Variants in TENT4B observed in about 807,000 individuals in gnomAD.
TENT4B encodes terminal nucleotidyltransferase 4B.
Under a neutral mutation model 75.0 loss-of-function variants are expected in TENT4B, and 10 were observed. That is an observed-to-expected ratio of 0.13 (90% CI 0.08 to 0.23). TENT4B has a LOEUF of 0.23. TENT4B is among the 10% of genes least tolerant of loss of function. TENT4B has a pLI of 1.00. For missense variants in TENT4B, 579 were observed against 893.8 expected (o/e 0.65, Z 4.49); for synonymous variants, 350 against 357.7 (o/e 0.98, Z 0.24).
rs1041590355 is a variant in TENT4B, at chr16:50,187,752, C to T, written c.639-23571C>T. 5.9e-5 allele frequency among the ~76,000 whole-genome samples: 9 copies of T among 151,814 alleles called. No homozygotes were observed. The East Asian group carries it at 9.7e-4, about 16-fold the overall frequency. On this transcript the variant is annotated intron_variant, in intron 1 of 11. Coordinates refer to ENST00000561678, the MANE Select transcript of TENT4B (RefSeq NM_001365324.3). ...TTAGGAATGCACATAAGGCCTGGCA[C>T]GGTGGCTCATGCTTGTAATTGCAGC...
intron 1 of TENT4B, among the ~76,000 whole-genome samples, chr16:50,191,012 A>G (rs943578750): frequency 6.6e-6 from 1 of 152,036 alleles, no homozygotes; most frequent in Non-Finnish European, 1.5e-5. Flanking sequence ...AATGTCCTCA[A>G]GGTTCATCCA....
intron 2 of TENT4B, among the ~76,000 whole-genome samples, chr16:50,212,890 G>A (rs1287673788): frequency 2.6e-5 from 4 of 152,060 alleles, no homozygotes; most frequent in East Asian, 1.9e-4. Context: ...TTGAGAAGCC[G>A]TGATCTAACT....
intron 1 of TENT4B, among the ~76,000 whole-genome samples, chr16:50,155,272 G>GGGGGGTGTGTGTGTGT (rs377547594): frequency 7.4e-6 from 1 of 135,482 alleles, no homozygotes; most frequent in African/African-American, 2.8e-5. Flanking sequence ...GGGTCTCGTG[G>GGGGGGTGTGTGTGTGT]GTGTGTGTGT....
upstream of TENT4B, among the ~76,000 whole-genome samples, chr16:50,153,198 GAGCGA>G (rs1567468215): frequency 1.5e-3 from 149 of 97,162 alleles, no homozygotes; most frequent in Admixed American, 2.3e-3. Flanking sequence ...GGGGGGGGCG[GAGCGA>G]GAGGGGCGGA....
Position 50,229,449 on chromosome 16 carries a change from C to T in TENT4B, c.*121C>T, listed in dbSNP as rs1479738652. 7 of 1,319,844 alleles carry T rather than the reference C, an allele frequency of 5.3e-6. No individual in the cohort carries two copies. The highest frequency in any genetic ancestry group is 2.6e-5 in the South Asian group (1 of 39,078). The allele number at this position is 1,319,844 out of a possible 1,614,324, so 81.8% of individuals were successfully genotyped here. Reference sequence around the variant, plus strand: ...TGTTCAGACGTTGACTTAGCAACTGCGTTTTTTCCCAGCTCGCCACAGAAT... The same window carrying T: ...TGTTCAGACGTTGACTTAGCAACTGTGTTTTTTCCCAGCTCGCCACAGAAT... On this transcript the variant is annotated 3_prime_UTR_variant, in exon 12 of 12. Coordinates refer to ENST00000561678, the MANE Select transcript of TENT4B (RefSeq NM_001365324.3).
chr16:50,196,023 A>G (rs2030214834), intron 1 of TENT4B, among the ~76,000 whole-genome samples: 2 of 152,332 alleles, frequency 1.3e-5, no homozygotes, highest in South Asian at 4.1e-4. Flanking sequence ...GTCAATGTAG[A>G]ACTTTACAGT....
At chr16:50,183,810 C>T (rs1044732844) in intron 1 of TENT4B, among the ~76,000 whole-genome samples, 5 of 151,618 alleles carry the variant, frequency 3.3e-5, no homozygotes, top group African/African-American at 4.8e-5. Context: ...TTTGGGAGGC[C>T]GAGGTGGGCA....
chr16:50,202,903 C>A (rs2030736491), intron 1 of TENT4B, among the ~76,000 whole-genome samples: 1 of 152,308 alleles, frequency 6.6e-6, no homozygotes, highest in Admixed American at 6.5e-5. Context: ...AACCATCCTT[C>A]TGAAACATTG....
intron 1 of TENT4B, among the ~76,000 whole-genome samples, chr16:50,205,735 C>T (rs1286792753): frequency 3.3e-5 from 5 of 151,234 alleles, no homozygotes; most frequent in African/African-American, 1.2e-4. Flanking sequence ...GAATTACAGG[C>T]GCCTGCCACC....
intron 8 of TENT4B, 53 bp from the exon 9 acceptor site, chr16:50,224,838 T>A: frequency 6.2e-7 from 1 of 1,612,260 alleles, no homozygotes; most frequent in South Asian, 1.1e-5. Flanking sequence ...TGGCTTCTTA[T>A]CTTCAAATTA....
Position 50,222,453 on chromosome 16 carries a change from G to A in TENT4B, c.1167+19G>A, listed in dbSNP as rs1376316821. 5.6e-6 allele frequency: 9 copies of A among 1,606,852 alleles called. No homozygotes were observed. Among genetic ancestry groups the A allele is most frequent in the Middle Eastern group, 1.7e-4 (1 of 6,054 alleles). The stretch of plus-strand genomic sequence containing the variant: ...CCTTCAGGTAAGTCATATGGGTATA[G>A]CATGCTAGTGCACACTAAAAGCAAA... On this transcript the variant is annotated intron_variant, in intron 6 of 11. Coordinates refer to ENST00000561678, the MANE Select transcript of TENT4B (RefSeq NM_001365324.3).
At chr16:50,189,278 T>C (rs969551744) in intron 1 of TENT4B, among the ~76,000 whole-genome samples, 6 of 152,250 alleles carry the variant, frequency 3.9e-5, no homozygotes, top group African/African-American at 9.6e-5. Context: ...GAGTACCTTG[T>C]CTTCTCACTG....
At chr16:50,198,376 G>A (rs1156701128) in intron 1 of TENT4B, among the ~76,000 whole-genome samples, 3 of 147,404 alleles carry the variant, frequency 2.0e-5, no homozygotes, top group Admixed American at 1.4e-4. Context: ...CTGAGATCAC[G>A]CCACTGCACT....
At chr16:50,201,004 G>A (rs1479583367) in intron 1 of TENT4B, among the ~76,000 whole-genome samples, 1 of 151,904 alleles carries the variant, frequency 6.6e-6, no homozygotes, top group Non-Finnish European at 1.5e-5. Context: ...ATCTCGCCAT[G>A]TTACCCAGGT....
At chr16:50,164,953 C>G (rs183270711) in intron 1 of TENT4B, among the ~76,000 whole-genome samples, 1 of 151,706 alleles carries the variant, frequency 6.6e-6, no homozygotes, top group Non-Finnish European at 1.5e-5. Flanking sequence ...ACTTGGGAGG[C>G]TTAGCTGGGA....
intron 1 of TENT4B, among the ~76,000 whole-genome samples, chr16:50,192,305 G>T (rs1409255676): frequency 6.6e-6 from 1 of 151,990 alleles, no homozygotes; most frequent in Admixed American, 6.6e-5. Context: ...AAGCAAGTAT[G>T]ACCTTCTTAA....
rs548146157 is a variant in TENT4B at position 50,228,103 on chromosome 16, A to G, written c.1965+100A>G. The G allele has an allele frequency of 9.1e-4, 1,266 of 1,387,406 alleles. 1 individual carries two copies. Among genetic ancestry groups the G allele is most frequent in the Middle Eastern group, 2.1e-3 (9 of 4,216 alleles). The allele number at this position is 1,387,406 out of a possible 1,614,324, so 85.9% of individuals were successfully genotyped here. On this transcript the variant is annotated intron_variant, in intron 11 of 11. Transcript: ENST00000561678. Reference sequence around the variant, plus strand: ...GCAGCATGGGTTTGAAGAAAACGCTAGATTGAAGAACAAACTTATTTTATT... The same window carrying G: ...GCAGCATGGGTTTGAAGAAAACGCTGGATTGAAGAACAAACTTATTTTATT...
In TENT4B at chr16:50,233,062, A is replaced by T. The variant is rs1343526063; in HGVS notation, c.*3734A>T. On this transcript the variant is annotated 3_prime_UTR_variant, in exon 12 of 12. Coordinates refer to ENST00000561678, the MANE Select transcript of TENT4B (RefSeq NM_001365324.3). ...TCAGTTATTGGAAAGGCACATTCTCAAAGTATTTTATGAGCAAAATATTCT... is the reference window on the plus strand; with the variant it reads ...TCAGTTATTGGAAAGGCACATTCTCTAAGTATTTTATGAGCAAAATATTCT... The T allele has an allele frequency of 1.0e-6, 1 of 984,892 alleles. No homozygotes were observed. The highest frequency in any genetic ancestry group is 1.2e-6 in the Non-Finnish European group (1 of 829,496). 61.0% of individuals were successfully genotyped at this position (984,892 alleles called of 1,614,324 possible). A position where few individuals can be genotyped will look rare whatever the true frequency, so the allele number is the denominator to read the frequency against.
chr16:50,223,184 G>A lies in TENT4B; in HGVS notation c.1178G>A (p.Arg393Lys). ...MAVSFLQLHPREDACIPNTNY... is the reference protein window; with the variant it reads ...MAVSFLQLHPKEDACIPNTNY... ...CTTTTCTGCTTTTAGTTACATCCCA[G>A]GGAAGATGCTTGCATCCCCAATACA... is the stretch of plus-strand genomic sequence containing the variant. The change falls in exon 7 of 12, where the codon AGG (arginine) becomes AAG (lysine). Residue 393 changes from arginine (R) to lysine (K), a missense_variant. By Grantham distance (26) the Arg-to-Lys change is conservative. This residue lies in a region of TENT4B where 71 missense variants were observed against 210.6 expected (regional missense o/e 0.34). Transcript: ENST00000561678. The A allele has an allele frequency of 6.2e-7, 1 of 1,607,382 alleles. No individual in the cohort carries two copies. Among genetic ancestry groups the A allele is most frequent in the Non-Finnish European group, 8.5e-7 (1 of 1,175,980 alleles).
Sources: allele counts gnomAD v4.1 joint callset (sites outside exome capture counted in the v4.1 genomes callset), GRCh38; gene constraint gnomAD v4.1.1; regional missense constraint gnomAD v4.1.1; transcripts MANE v1.5; gene names NCBI Gene and HGNC (gene_info 2026-07-23, HGNC 2026-07-21).